The following SLC45A2 variants were observed in gnomAD, a reference collection of about 807,000 sequenced individuals.
SLC45A2 encodes the protein solute carrier family 45 member 2.
Under a neutral mutation model 45.5 loss-of-function variants are expected in SLC45A2, and 36 were observed. The ratio of observed to expected loss-of-function variants is 0.79; its 90% confidence interval spans 0.61 to 1.04. The LOEUF (loss-of-function observed/expected upper bound fraction) is 1.04, where lower values mean the gene tolerates loss of function less well. SLC45A2 is among the 50% of genes least tolerant of loss of function. The probability of loss-of-function intolerance (pLI) is 0.00; values close to 1 mark genes in which losing one functional copy is unlikely to be tolerated. For missense variants in SLC45A2, 719 were observed against 671.0 expected (o/e 1.07, Z -0.79); for synonymous variants, 306 against 269.3 (o/e 1.14, Z -1.33).
chr5:33,963,625 AAAAC>A (rs1752512191), intron 3 of SLC45A2, 62 bp downstream of exon 3: 3 of 1,435,554 alleles, frequency 2.1e-6, no homozygotes, highest in Admixed American at 4.2e-5. Flanking sequence ...AACAATTAAA[AAAAC>A]AACAACAACA....
chr5:33,966,450 T>TTTC lies in SLC45A2; in HGVS notation c.563-2435_563-2434insGAA, dbSNP rs1313448280. Among the ~76,000 whole-genome samples the TTTC allele has an allele frequency of 8.7e-5, 12 of 138,052 alleles. No individual in the cohort carries two copies. The East Asian group carries it at 3.0e-3, about 34-fold the overall frequency. The allele number at this position is 138,052 out of a possible 152,430, so 90.6% of individuals were successfully genotyped here. A position where few individuals can be genotyped will look rare whatever the true frequency, so the allele number is the denominator to read the frequency against. ...TTCTTTTTTTTTTTTTTTTTTTTTTTTGAGACGGAGTCTCGCTCTGTCGCC... is the reference window on the plus strand; with the variant it reads ...TTCTTTTTTTTTTTTTTTTTTTTTTTTTCTGAGACGGAGTCTCGCTCTGTCGCC... On this transcript the variant is annotated intron_variant, in intron 2 of 6. Transcript: ENST00000296589.
intron 5 of SLC45A2, among the ~76,000 whole-genome samples, chr5:33,949,836 T>C (rs1489427316): frequency 1.3e-5 from 2 of 152,020 alleles, no homozygotes; most frequent in East Asian, 3.8e-4. Flanking sequence ...TGGAATGTTA[T>C]CTAGTAGGAG....
At chr5:33,954,860 A>T (rs200577111) in intron 3 of SLC45A2, among the ~76,000 whole-genome samples, 2 of 152,326 alleles carry the variant, frequency 1.3e-5, no homozygotes, top group East Asian at 3.9e-4. Flanking sequence ...CTCTTAGATG[A>T]TTATAATTCT....
At chr5:33,978,101 G>T (rs1752980381) in intron 2 of SLC45A2, among the ~76,000 whole-genome samples, 1 of 152,150 alleles carries the variant, frequency 6.6e-6, no homozygotes, top group Admixed American at 6.5e-5. Flanking sequence ...AAAGAAACCT[G>T]AAAACCTAGT....
At chr5:33,955,024 G>A (rs1189933442) in intron 3 of SLC45A2, among the ~76,000 whole-genome samples, 1 of 152,196 alleles carries the variant, frequency 6.6e-6, no homozygotes, top group African/African-American at 2.4e-5. Context: ...CTCACTTTGA[G>A]TTAATTGAAA....
intron 3 of SLC45A2, among the ~76,000 whole-genome samples, chr5:33,960,935 C>T (rs190934666): frequency 0.012 from 1,818 of 152,252 alleles, 32 homozygotes; most frequent in African/African-American, 0.042. Flanking sequence ...GGAACTCTCT[C>T]TACTATCTGC....
intron 4 of SLC45A2, 79 bp from the exon 5 acceptor site, chr5:33,951,756 T>C (rs2111916323): frequency 6.4e-7 from 1 of 1,573,492 alleles, no homozygotes; most frequent in Non-Finnish European, 8.7e-7. Context: ...CTTCTCCACC[T>C]CTGGGGAGCA....
intron 2 of SLC45A2, among the ~76,000 whole-genome samples, chr5:33,976,723 A>G (rs922805492): frequency 6.6e-6 from 1 of 152,242 alleles, no homozygotes; most frequent in African/African-American, 2.4e-5. Context: ...CTCCAGTTCC[A>G]TAACTGCTCT....
At position 33,966,568 on chromosome 5, in the gene SLC45A2, G is replaced by A. The variant is rs548939652; in HGVS notation, c.563-2552C>T. On this transcript the variant is annotated intron_variant, in intron 2 of 6. Coordinates refer to ENST00000296589, the MANE Select transcript of SLC45A2 (RefSeq NM_016180.5). ...CCATTCTCCTGCCTCAGCCTCCCAA[G>A]TAGCTGGGACTACAGGCGCCCGCCA... Among the ~76,000 whole-genome samples, 649 of 151,114 alleles carry A rather than the reference G, an allele frequency of 4.3e-3. 6 individuals carry two copies. The highest frequency in any genetic ancestry group is 0.015 in the African/African-American group (626 of 41,084).
intron 3 of SLC45A2, among the ~76,000 whole-genome samples, chr5:33,959,432 T>C (rs758481837): frequency 1.3e-5 from 2 of 152,144 alleles, no homozygotes; most frequent in Non-Finnish European, 2.9e-5. Context: ...AGAGTACAAG[T>C]ATTCTCCTCC....
At chr5:33,953,146 G>A (rs558751657) in intron 4 of SLC45A2, among the ~76,000 whole-genome samples, 4 of 149,380 alleles carry the variant, frequency 2.7e-5, no homozygotes, top group African/African-American at 5.0e-5. Flanking sequence ...TAGTGCCGCA[G>A]TAAACATACG....
At chr5:33,953,022 C>G (rs1184667660) in intron 4 of SLC45A2, among the ~76,000 whole-genome samples, 35 of 87,194 alleles carry the variant, frequency 4.0e-4, no homozygotes, top group African/African-American at 1.6e-3. Context: ...AGGACATGAA[C>G]TCATCATTTT....
intron 3 of SLC45A2, among the ~76,000 whole-genome samples, chr5:33,955,710 T>C (rs1752254250): frequency 6.6e-6 from 1 of 152,120 alleles, no homozygotes; most frequent in Admixed American, 6.6e-5. Context: ...ATGCATATTA[T>C]GAAAAAATTA....
At chr5:33,955,642 TAC>T (rs796587683) in intron 3 of SLC45A2, among the ~76,000 whole-genome samples, 11 of 151,420 alleles carry the variant, frequency 7.3e-5, no homozygotes, top group South Asian at 2.1e-4. Context: ...TATATGTTTA[TAC>T]ACACACACAC....
chr5:33,981,335 G>A (rs1047875051), intron 2 of SLC45A2, among the ~76,000 whole-genome samples: 11 of 152,228 alleles, frequency 7.2e-5, no homozygotes, highest in Non-Finnish European at 1.5e-4. Flanking sequence ...TAGCTCTAGA[G>A]ACAGAAACTA....
In SLC45A2 at chr5:33,954,351, C is replaced by A. The variant is rs765266556; in HGVS notation, c.1032+10G>T. ...GTAACAGTGATTGTGTGCACAGACA[C>A]GTTCATTACCTGGCCCATGAAATCT... is the stretch of plus-strand genomic sequence containing the variant. On this transcript the variant is annotated intron_variant, in intron 4 of 6. Transcript: ENST00000296589. 5 of 1,613,832 alleles carry A rather than the reference C, an allele frequency of 3.1e-6. No homozygotes were observed. The highest frequency in any genetic ancestry group is 2.7e-5 in the African/African-American group (2 of 74,892).
rs1009957538 is a variant in SLC45A2, at chr5:33,945,910, CA to C, written c.1369-1039del. On this transcript the variant is annotated intron_variant, in intron 6 of 6. Transcript: ENST00000296589. Reference sequence around the variant, plus strand: ...TATTTAAAAATGCCGGAAAGATTAACAAAAAACTAGTAAGAGTGGTAACACG... The same window carrying C: ...TATTTAAAAATGCCGGAAAGATTAACAAAAACTAGTAAGAGTGGTAACACG... 5.2e-6 allele frequency: 5 copies of C among 954,906 alleles called. No individual in the cohort carries two copies. In the African/African-American group the frequency reaches 8.8e-5, roughly 17 times the overall value. The allele number at this position is 954,906 out of a possible 1,614,324, so 59.2% of individuals were successfully genotyped here. A position where few individuals can be genotyped will look rare whatever the true frequency, so the allele number is the denominator to read the frequency against.
intron 4 of SLC45A2, among the ~76,000 whole-genome samples, chr5:33,952,549 A>T (rs193159837): frequency 4.0e-4 from 61 of 152,130 alleles, no homozygotes; most frequent in Admixed American, 1.1e-3. Context: ...GCAAACAAAA[A>T]TGCATATGTG....
chr5:33,968,755 T>A (rs763783315), intron 2 of SLC45A2, among the ~76,000 whole-genome samples: 1 of 152,180 alleles, frequency 6.6e-6, no homozygotes, highest in Admixed American at 6.5e-5. Context: ...GCACCTACCA[T>A]CTGCCTGTAA....
Sources: allele counts gnomAD v4.1 joint callset (sites outside exome capture counted in the v4.1 genomes callset), GRCh38; gene constraint gnomAD v4.1.1; transcripts MANE v1.5; gene names NCBI Gene and HGNC (gene_info 2026-07-23, HGNC 2026-07-21).